Variants in SAMD9 observed in about 807,000 individuals in gnomAD.
SAMD9 encodes sterile alpha motif domain-containing protein 9.
A neutral mutation model predicts 1.5 loss-of-function variants in SAMD9; 3 were observed. The observed-to-expected ratio is 2.05, with a 90% CI of 0.93 to 5.29. SAMD9 has a LOEUF of 5.29. Among genes scored for constraint, SAMD9 ranks in the 30% most tolerant of loss-of-function variants. SAMD9 has a pLI of 0.02. For synonymous variants in SAMD9, 635 were observed against 631.9 expected (o/e 1.00, Z -0.07); for missense variants, 1,597 against 1,820.8 (o/e 0.88, Z 2.24).
rs1390777495 is a variant in SAMD9, at chr7:93,101,642, C to G, written c.4456G>C (p.Gly1486Arg). The change falls in exon 3 of 3, where the codon GGT becomes CGT. Residue 1486 changes from glycine to arginine, a missense_variant. This residue lies in a region of SAMD9 where 682 missense variants were observed against 810.0 expected (regional missense o/e 0.84). Transcript: ENST00000379958. Reference sequence around the variant, plus strand: ...TGAACAAGTCTTTCCAGTCTTTTACCTTTTCCAAGAAAGAAATATGCAATT... The same window carrying G: ...TGAACAAGTCTTTCCAGTCTTTTACGTTTTCCAAGAAAGAAATATGCAATT... The part of the protein sequence containing the change: ...QPIAYFFLGK[G>R]KRLERLVHKG... The G allele has an allele frequency of 6.2e-7, 1 of 1,613,734 alleles. No homozygotes were observed. Among genetic ancestry groups the G allele is most frequent in the Non-Finnish European group, 8.5e-7 (1 of 1,179,780 alleles).
Position 93,102,855 on chromosome 7 carries a change from AT to A in SAMD9, c.3242del (p.Asn1081MetfsTer23), listed in dbSNP as rs776904303. On this transcript the variant is annotated frameshift_variant, in exon 3 of 3. Coordinates refer to ENST00000379958, the MANE Select transcript of SAMD9 (RefSeq NM_017654.4). LOFTEE classifies it low-confidence loss of function (END_TRUNC). ...LLESIHRFNPNAFICQALARH... is the reference protein window; with the variant it reads ...LLESIHRFNPXAFICQALARH... Reference sequence around the variant, plus strand: ...TTGCCAACGCTTGGCAAATGAATGCATTTGGGTTGAACCGATGGATACTTTC... The same window carrying A: ...TTGCCAACGCTTGGCAAATGAATGCATTGGGTTGAACCGATGGATACTTTC... 10 of 1,613,850 alleles carry A rather than the reference AT, an allele frequency of 6.2e-6. No homozygotes were observed. The highest frequency in any genetic ancestry group is 8.5e-6 in the Non-Finnish European group (10 of 1,179,796).
At chr7:93,113,480 G>T (rs1346288311) in intron 2 of SAMD9, among the ~76,000 whole-genome samples, 3 of 152,156 alleles carry the variant, frequency 2.0e-5, no homozygotes, top group Admixed American at 2.0e-4. Flanking sequence ...AAGCACTTCT[G>T]CACAGCAAAA....
intron 2 of SAMD9, among the ~76,000 whole-genome samples, chr7:93,111,964 C>T (rs1313817091): frequency 2.0e-5 from 3 of 152,178 alleles, no homozygotes; most frequent in African/African-American, 4.8e-5. Context: ...TTTTATGAGG[C>T]CAACATCATC....
Position 93,105,400 on chromosome 7 carries a change from C to T in SAMD9, c.698G>A (p.Gly233Asp), listed in dbSNP as rs763330940. Residue 233 changes from glycine (G) to aspartate (D), a missense_variant, in exon 3 of 3, where the codon GGC becomes GAC. Coordinates refer to ENST00000379958, the MANE Select transcript of SAMD9 (RefSeq NM_017654.4). ...ASACMNSRTN[G>D]TIHFGVKDKP... ...GTCTTTGACTCCAAAATGAATAGTGCCATTGGTACGTGAATTCATACAAGC... is the reference window on the plus strand; with the variant it reads ...GTCTTTGACTCCAAAATGAATAGTGTCATTGGTACGTGAATTCATACAAGC... 1 of 1,613,942 alleles carries T rather than the reference C, an allele frequency of 6.2e-7. No individual in the cohort carries two copies. The highest frequency in any genetic ancestry group is 1.7e-5 in the Admixed American group (1 of 59,996).
chr7:93,102,462 C>G lies in SAMD9; in HGVS notation c.3636G>C (p.Gln1212His), dbSNP rs748856394. 2 of 1,613,662 alleles carry G rather than the reference C, an allele frequency of 1.2e-6. No homozygotes were observed. The highest frequency in any genetic ancestry group is 1.1e-5 in the South Asian group (1 of 91,070). ...TTTTATTATCAAAAAAAGGAATGAG[C>G]TGGAGAATTTGGATTGTGTAAAGCC... ...EVGLYTIQIL[Q>H]LIPFFDNKNE... Residue 1212 changes from glutamine (Q) to histidine (H), a missense_variant, in exon 3 of 3, where the codon CAG (glutamine) becomes CAC (histidine). This residue lies in a region of SAMD9 where 682 missense variants were observed against 810.0 expected (regional missense o/e 0.84). Coordinates refer to ENST00000379958, the MANE Select transcript of SAMD9 (RefSeq NM_017654.4).
intron 1 of SAMD9, among the ~76,000 whole-genome samples, chr7:93,117,638 T>C (rs936883447): frequency 6.6e-6 from 1 of 152,192 alleles, no homozygotes; most frequent in African/African-American, 2.4e-5. Context: ...AAAGTGTCTG[T>C]AGTTTTCAAC....
chr7:93,104,378 G>T lies in SAMD9; in HGVS notation c.1720C>A (p.Leu574Met), dbSNP rs781126245. The T allele has an allele frequency of 3.1e-6, 5 of 1,613,860 alleles. No individual in the cohort carries two copies. The highest frequency in any genetic ancestry group is 3.3e-4 in the Middle Eastern group (2 of 6,062). Residue 574 changes from leucine (L) to methionine (M), a missense_variant, in exon 3 of 3, where the codon CTG becomes ATG. This residue lies in a region of SAMD9 where 358 missense variants were observed against 460.4 expected (regional missense o/e 0.78). Transcript: ENST00000379958. ...YQDLKGMENILCICVHPHIFQ... is the reference protein window; with the variant it reads ...YQDLKGMENIMCICVHPHIFQ... Reference sequence around the variant, plus strand: ...ATGTGTGGGTGCACACAAATACACAGTATATTTTCCATTCCTTTGAGATCC... The same window carrying T: ...ATGTGTGGGTGCACACAAATACACATTATATTTTCCATTCCTTTGAGATCC...
In SAMD9 at chr7:93,105,502, G is replaced by C. The variant is rs1791622712; in HGVS notation, c.596C>G (p.Ala199Gly). ...TGTGGCTGTTGCTGTATTTGTGAAGGCTTTGAATTCATGTATCGGATCAAT... is the reference window on the plus strand; with the variant it reads ...TGTGGCTGTTGCTGTATTTGTGAAGCCTTTGAATTCATGTATCGGATCAAT... Reference protein sequence around the residue: ...NLIDPIHEFKAFTNTATATEE... With the variant: ...NLIDPIHEFKGFTNTATATEE... The change falls in exon 3 of 3, where the codon GCC becomes GGC. Residue 199 changes from alanine to glycine, a missense_variant. Physicochemically the swap from Ala to Gly is moderately conservative, Grantham distance 60. Around this residue, in one of 6 missense-constraint regions of SAMD9, gnomAD observed 498 missense variants for 457.4 expected, o/e 1.09. Transcript: ENST00000379958. The C allele has an allele frequency of 6.2e-7, 1 of 1,613,898 alleles. No individual in the cohort carries two copies. Among genetic ancestry groups the C allele is most frequent in the South Asian group, 1.1e-5 (1 of 91,082 alleles).
At chr7:93,109,944 A>G (rs1584257760) in intron 2 of SAMD9, among the ~76,000 whole-genome samples, 1 of 152,190 alleles carries the variant, frequency 6.6e-6, no homozygotes, top group Admixed American at 6.5e-5. Flanking sequence ...TCAAATTCAG[A>G]AAATACAGAG....
intron 2 of SAMD9, among the ~76,000 whole-genome samples, chr7:93,109,316 G>T (rs914382457): frequency 1.6e-4 from 24 of 152,236 alleles, no homozygotes; most frequent in African/African-American, 5.1e-4. Context: ...CATCATCAAA[G>T]ACCAAAGGTA....
chr7:93,100,282 T>C lies in SAMD9; in HGVS notation c.*1046A>G, dbSNP rs145127847. The C allele has an allele frequency of 6.6e-6, 1 of 152,186 alleles. No individual in the cohort carries two copies. The highest frequency in any genetic ancestry group is 1.5e-5 in the Non-Finnish European group (1 of 67,992). 9.4% of individuals were successfully genotyped at this position (152,186 alleles called of 1,614,324 possible). On this transcript the variant is annotated 3_prime_UTR_variant, in exon 3 of 3. Coordinates refer to ENST00000379958, the MANE Select transcript of SAMD9 (RefSeq NM_017654.4). ...ATCCAGAGACCTGATCAAATTCAGG[T>C]TTAATTATTTGGCAAGACCATGTCA...
At chr7:93,113,345 A>G (rs575276977) in intron 2 of SAMD9, among the ~76,000 whole-genome samples, 26 of 152,364 alleles carry the variant, frequency 1.7e-4, no homozygotes, top group Admixed American at 4.6e-4. Flanking sequence ...TAAAACCATA[A>G]AAACCCTAGA....
At position 93,101,905 on chromosome 7, in the gene SAMD9, A is replaced by T; in HGVS notation, c.4193T>A (p.Ile1398Asn). The T allele has an allele frequency of 6.2e-7, 1 of 1,613,868 alleles. No homozygotes were observed. The highest frequency in any genetic ancestry group is 8.5e-7 in the Non-Finnish European group (1 of 1,179,784). The change falls in exon 3 of 3, where the codon ATC becomes AAC. Residue 1398 changes from isoleucine (I) to asparagine (N), a missense_variant. Around this residue, in one of 6 missense-constraint regions of SAMD9, gnomAD observed 682 missense variants for 810.0 expected, o/e 0.84. Transcript: ENST00000379958. ...FILANIILSC[I>N]QPTSRLVKPV... ...CTTTACTAATCTGGAGGTAGGTTGG[A>T]TACAGGAGAGAATAATGTTGGCCAA...
chr7:93,105,828 C>A lies in SAMD9; in HGVS notation c.270G>T (p.Lys90Asn). 1.9e-6 allele frequency: 3 copies of A among 1,614,124 alleles called. No individual in the cohort carries two copies. Among genetic ancestry groups the A allele is most frequent in the Non-Finnish European group, 8.5e-7 (1 of 1,180,000 alleles). The change falls in exon 3 of 3, where the codon AAG becomes AAT. Residue 90 changes from lysine (K) to asparagine (N), a missense_variant. Lys to Asn is a moderately conservative substitution (Grantham distance 94, BLOSUM62 0). Transcript: ENST00000379958. ...GGTCTTTAGGAGCATTTTTACTGGGCTTTCCCATCTTAGATGTCTGAATCG... is the reference window on the plus strand; with the variant it reads ...GGTCTTTAGGAGCATTTTTACTGGGATTTCCCATCTTAGATGTCTGAATCG... ...EDSIQTSKMG[K>N]PSKNAPKDQT... is the part of the protein sequence containing the mutation.
chr7:93,109,765 T>TA (rs776056664), intron 2 of SAMD9, among the ~76,000 whole-genome samples: 60 of 151,944 alleles, frequency 3.9e-4, no homozygotes, highest in Admixed American at 1.6e-3. Context: ...GAAAAAGAAG[T>TA]AAAAAGAAAC....
Position 93,104,796 on chromosome 7 carries a change from A to C in SAMD9, c.1302T>G (p.Ile434Met). 6.2e-7 allele frequency: 1 copy of C among 1,613,610 alleles called. No individual in the cohort carries two copies. Among genetic ancestry groups the C allele is most frequent in the Non-Finnish European group, 8.5e-7 (1 of 1,179,816 alleles). ...CAAACTCCAATACAGCAAACCATTT[A>C]ATTTCCTTCAGGAAATCTAAGTGTT... ...QTKHLDFLKE[I>M]KWFAVLEFDP... The change falls in exon 3 of 3, where the codon ATT (isoleucine) becomes ATG (methionine). Residue 434 changes from isoleucine (I) to methionine (M), a missense_variant. Ile to Met is a conservative substitution (Grantham distance 10). Transcript: ENST00000379958.
In SAMD9 at chr7:93,103,915, G is replaced by C. The variant is rs993540133; in HGVS notation, c.2183C>G (p.Thr728Arg). The change falls in exon 3 of 3, where the codon ACA (threonine) becomes AGA (arginine). Residue 728 changes from threonine (T) to arginine (R), a missense_variant. Physicochemically the swap from Thr to Arg is moderately conservative, Grantham distance 71. Around this residue, in one of 6 missense-constraint regions of SAMD9, gnomAD observed 358 missense variants for 460.4 expected, o/e 0.78. Transcript: ENST00000379958. ...ATACAGATGAATAATTTTGGTACTTGTTGGTTTAGAAGAATCTGCACAGTT... is the reference window on the plus strand; with the variant it reads ...ATACAGATGAATAATTTTGGTACTTCTTGGTTTAGAAGAATCTGCACAGTT... ...IQNCADSSKP[T>R]STKIIHLYHH... 6.2e-7 allele frequency: 1 copy of C among 1,613,888 alleles called. No individual in the cohort carries two copies. The highest frequency in any genetic ancestry group is 8.5e-7 in the Non-Finnish European group (1 of 1,179,818).
chr7:93,105,863 T>G lies in SAMD9; in HGVS notation c.235A>C (p.Ile79Leu), dbSNP rs1336926502. ...ELFKELRKTA[I>L]EDSIQTSKMG... Reference sequence around the variant, plus strand: ...TTAGATGTCTGAATCGAATCTTCAATGGCTGTTTTCCGCAATTCTTTGAAT... The same window carrying G: ...TTAGATGTCTGAATCGAATCTTCAAGGGCTGTTTTCCGCAATTCTTTGAAT... The change falls in exon 3 of 3, where the codon ATT (isoleucine) becomes CTT (leucine). Residue 79 changes from isoleucine to leucine, a missense_variant. By Grantham distance (5) the Ile-to-Leu change is conservative (BLOSUM62 2). Coordinates refer to ENST00000379958, the MANE Select transcript of SAMD9 (RefSeq NM_017654.4). 3 of 1,614,160 alleles carry G rather than the reference T, an allele frequency of 1.9e-6. No homozygotes were observed. The Admixed American group carries it at 5.0e-5, about 27-fold the overall frequency.
Position 93,102,905 on chromosome 7 carries a change from C to A in SAMD9, c.3193G>T (p.Glu1065Ter). 1 of 1,613,884 alleles carries A rather than the reference C, an allele frequency of 6.2e-7. No homozygotes were observed. The highest frequency in any genetic ancestry group is 8.5e-7 in the Non-Finnish European group (1 of 1,179,826). ...TCAAGCAATACAGCTTCAACTGCTT[C>A]ATTTCCTTCATCTTTATGTAATGCT... ...IEALHKDEGNEAVEAVLLESI... is the reference protein window; with the variant it reads ...IEALHKDEGN The change falls in exon 3 of 3, where the codon GAA becomes TAA. Residue 1065 changes from glutamate (E) to a stop codon, truncating the protein, a stop_gained. Transcript: ENST00000379958. LOFTEE classifies it low-confidence loss of function (END_TRUNC).
Sources: gnomAD v4.1 joint callset for allele counts (sites outside exome capture counted in the v4.1 genomes callset) on GRCh38, gnomAD v4.1.1 for gene constraint, gnomAD v4.1.1 regional missense constraint, MANE v1.5 for transcripts, NCBI Gene and HGNC (gene_info 2026-07-23, HGNC 2026-07-21) for gene names.